Variants in SORCS1 observed in about 807,000 individuals in gnomAD.
SORCS1 encodes VPS10 domain-containing receptor SorCS1.
A neutral mutation model predicts 146.1 loss-of-function variants in SORCS1; 60 were observed. The ratio of observed to expected loss-of-function variants is 0.41; its 90% CI spans 0.33 to 0.51. The LOEUF (loss-of-function observed/expected upper bound fraction) is 0.51, where lower values mean the gene tolerates loss of function less well. Ranked by LOEUF, SORCS1 falls within the 20% of genes least tolerant of loss-of-function variation. The probability of loss-of-function intolerance (pLI) is 0.21; values close to 1 mark genes in which losing one functional copy is unlikely to be tolerated. For synonymous variants in SORCS1, 637 were observed against 584.0 expected (o/e 1.09, Z -1.31); for missense variants, 1,352 against 1,487.6 (o/e 0.91, Z 1.50).
intron 1 of SORCS1, among the ~76,000 whole-genome samples, chr10:106,976,069 C>T (rs184126979): frequency 4.0e-5 from 6 of 150,820 alleles, no homozygotes; most frequent in African/African-American, 1.5e-4. Context: ...TTGCTTGAAC[C>T]CGGGAGGCAG....
chr10:107,033,313 C>A (rs980610598), intron 1 of SORCS1, among the ~76,000 whole-genome samples: 31 of 152,262 alleles, frequency 2.0e-4, no homozygotes, highest in Admixed American at 1.7e-3. Context: ...CCTCCTCCAA[C>A]ACTGAGGATC....
At chr10:106,968,877 AT>A (rs1955635140) in intron 1 of SORCS1, among the ~76,000 whole-genome samples, 1 of 152,218 alleles carries the variant, frequency 6.6e-6, no homozygotes, top group African/African-American at 2.4e-5. Flanking sequence ...GAAAGTCTTA[AT>A]GTAGGCAAGG....
chr10:106,853,474 T>G (rs956679795), intron 2 of SORCS1, among the ~76,000 whole-genome samples: 3 of 151,910 alleles, frequency 2.0e-5, no homozygotes, highest in Non-Finnish European at 2.9e-5. Flanking sequence ...TATGCTCTAA[T>G]TTTTTATTAT....
At chr10:106,641,873 T>C (rs1041703834) in intron 18 of SORCS1, among the ~76,000 whole-genome samples, 4 of 152,170 alleles carry the variant, frequency 2.6e-5, no homozygotes, top group African/African-American at 9.7e-5. Context: ...TTCTACTTCA[T>C]GTCATTAGAT....
intron 1 of SORCS1, among the ~76,000 whole-genome samples, chr10:107,068,976 G>A (rs1962176045): frequency 6.6e-6 from 1 of 152,060 alleles, no homozygotes. Context: ...CCTAACTGGT[G>A]AGAGACAGCA....
intron 22 of SORCS1, among the ~76,000 whole-genome samples, chr10:106,610,410 C>T (rs950984439): frequency 3.9e-5 from 6 of 151,960 alleles, no homozygotes; most frequent in African/African-American, 9.7e-5. Flanking sequence ...GTTTCAACAT[C>T]GTAAGCTTAT....
At chr10:106,660,092 A>G (rs1476606533) in intron 17 of SORCS1, among the ~76,000 whole-genome samples, 1 of 152,178 alleles carries the variant, frequency 6.6e-6, no homozygotes, top group Non-Finnish European at 1.5e-5. Context: ...CACACTGAAA[A>G]GTATCCTTGA....
chr10:106,631,661 G>A (rs1291192483), intron 18 of SORCS1, among the ~76,000 whole-genome samples: 1 of 152,130 alleles, frequency 6.6e-6, no homozygotes, highest in Non-Finnish European at 1.5e-5. Flanking sequence ...ATCAGGCAGG[G>A]GCCATCATTT....
intron 5 of SORCS1, among the ~76,000 whole-genome samples, chr10:106,732,387 C>T (rs1028777848): frequency 2.6e-5 from 4 of 152,182 alleles, no homozygotes; most frequent in South Asian, 2.1e-4. Context: ...TCTCCTCACA[C>T]TGAAGCATTA....
intron 4 of SORCS1, among the ~76,000 whole-genome samples, chr10:106,774,540 CATGTAT>C (rs143721571): frequency 0.047 from 7,100 of 151,710 alleles, 264 homozygotes; most frequent in East Asian, 0.11. Flanking sequence ...TTTACAATTT[CATGTAT>C]ATGACATTCC....
chr10:107,006,044 A>G (rs541219463), intron 1 of SORCS1, among the ~76,000 whole-genome samples: 29 of 152,296 alleles, frequency 1.9e-4, no homozygotes, highest in Admixed American at 1.1e-3. Flanking sequence ...ACATTGTCCA[A>G]TTTAATACAT....
At chr10:107,115,565 T>C (rs1965979667) in intron 1 of SORCS1, among the ~76,000 whole-genome samples, 1 of 151,988 alleles carries the variant, frequency 6.6e-6, no homozygotes, top group Non-Finnish European at 1.5e-5. Flanking sequence ...AAAAATTAAA[T>C]TCTTTTACTT....
At chr10:106,990,913 A>G (rs553513952) in intron 1 of SORCS1, among the ~76,000 whole-genome samples, 1 of 52,932 alleles carries the variant, frequency 1.9e-5, no homozygotes, top group African/African-American at 1.6e-4. Flanking sequence ...TGCAAAATGA[A>G]TGATTTTAAA....
At chr10:106,630,844 C>T (rs1156411484) in intron 18 of SORCS1, among the ~76,000 whole-genome samples, 1 of 149,298 alleles carries the variant, frequency 6.7e-6, no homozygotes, top group Non-Finnish European at 1.5e-5. Flanking sequence ...AAATCCCAGA[C>T]CTGTAAAAAA....
At chr10:107,017,252 C>T (rs1482200085) in intron 1 of SORCS1, among the ~76,000 whole-genome samples, 1 of 152,140 alleles carries the variant, frequency 6.6e-6, no homozygotes, top group African/African-American at 2.4e-5. Flanking sequence ...AATTCACACA[C>T]CCATAAACCA....
At chr10:106,974,349 T>A (rs1435445073) in intron 1 of SORCS1, among the ~76,000 whole-genome samples, 7 of 152,208 alleles carry the variant, frequency 4.6e-5, no homozygotes, top group Admixed American at 3.9e-4. Context: ...GGTTTCACTG[T>A]ATCCAGGCCT....
At chr10:106,841,545 A>G (rs1949041991) in intron 2 of SORCS1, among the ~76,000 whole-genome samples, 1 of 152,216 alleles carries the variant, frequency 6.6e-6, no homozygotes, top group African/African-American at 2.4e-5. Flanking sequence ...AGACTGTAGT[A>G]TAGTATAAAC....
chr10:106,970,372 CTT>C (rs1389402505), intron 1 of SORCS1, among the ~76,000 whole-genome samples: 3 of 95,688 alleles, frequency 3.1e-5, no homozygotes, highest in South Asian at 3.2e-4. Flanking sequence ...GAGTTTCACT[CTT>C]GTCTCCCAGG....
At chr10:106,996,901 G>A (rs1009269842) in intron 1 of SORCS1, among the ~76,000 whole-genome samples, 1 of 152,016 alleles carries the variant, frequency 6.6e-6, no homozygotes, top group African/African-American at 2.4e-5. Flanking sequence ...TTCTAAAAAT[G>A]AAAGGAAATA....
Sources: allele counts gnomAD v4.1 joint callset (sites outside exome capture counted in the v4.1 genomes callset), GRCh38; gene constraint gnomAD v4.1.1; transcripts MANE v1.5; gene names NCBI Gene and HGNC (gene_info 2026-07-23, HGNC 2026-07-21).